PLCXD1: variants seen among roughly 807,000 people sequenced by gnomAD.
PLCXD1 encodes the protein PI-PLC X domain-containing protein 1.
PLCXD1 carries 45 observed loss-of-function variants against 37.8 expected under a neutral mutation model. The observed-to-expected ratio is 1.19, with a 90% CI of 0.94 to 1.53. The LOEUF (loss-of-function observed/expected upper bound fraction) is 1.53, where lower values mean the gene tolerates loss of function less well. Ranked by LOEUF, PLCXD1 falls within the 40% of genes most tolerant of loss-of-function variation. The probability of loss-of-function intolerance (pLI) is 0.00; values close to 1 mark genes in which losing one functional copy is unlikely to be tolerated. For synonymous variants in PLCXD1, 246 were observed against 206.9 expected, an observed-to-expected ratio of 1.19 and a Z score of -1.62; for missense variants, 539 against 454.7, an observed-to-expected ratio of 1.19 and a Z score of -1.69.
intron 2 of PLCXD1, among the ~76,000 whole-genome samples, chrX:287,987 T>C (rs1481751822): frequency 1.3e-5 from 2 of 152,208 alleles, no homozygotes; most frequent in East Asian, 1.9e-4. Context: ...CTCCTGAGGC[T>C]CTAGGGGAGG....
At chrX:283,510 C>G (rs2069340980) in intron 1 of PLCXD1, 1 of 134,400 alleles carries the variant, frequency 7.4e-6, no homozygotes, top group African/African-American at 2.9e-5. Flanking sequence ...TGATGTTCCA[C>G]ACGCCTGAGG....
At chrX:288,519 A>C (rs913929254) in intron 2 of PLCXD1, among the ~76,000 whole-genome samples, 47 of 152,034 alleles carry the variant, frequency 3.1e-4, no homozygotes, top group Admixed American at 9.8e-4. Flanking sequence ...TTTCAACCTA[A>C]TGATATCTGC....
chrX:278,956 C>T (rs145608552), upstream of PLCXD1, among the ~76,000 whole-genome samples: 222 of 152,136 alleles, frequency 1.5e-3, 2 homozygotes, highest in African/African-American at 4.8e-3. Flanking sequence ...TTTGTGTGAG[C>T]GATAAAGCGG....
intron 2 of PLCXD1, among the ~76,000 whole-genome samples, chrX:286,811 G>GT (rs1270664260): frequency 2.0e-5 from 3 of 152,096 alleles, no homozygotes; most frequent in Admixed American, 2.0e-4. Context: ...TCTTACTTCT[G>GT]TTTCTTTCCA....
chrX:296,635 C>T lies in PLCXD1; in HGVS notation c.734-2462C>T, dbSNP rs144917416. ...TGCATTTCTAACTATTGCAGGGACC[C>T]CACTTTGAGAATCACTGGTCAACGT... On this transcript the variant is annotated intron_variant, in intron 6 of 6. Coordinates refer to ENST00000381657, the MANE Select transcript of PLCXD1 (RefSeq NM_018390.4). 6.8e-3 allele frequency among the ~76,000 whole-genome samples: 1,031 copies of T among 152,316 alleles called. 15 individuals carry two copies. Among genetic ancestry groups the T allele is most frequent in the African/African-American group, 0.023 (963 of 41,564 alleles).
chrX:290,504 C>T (rs958184881), intron 3 of PLCXD1, 144 bp from the exon 4 acceptor site: 21 of 816,274 alleles, frequency 2.6e-5, no homozygotes, highest in East Asian at 1.1e-4. Flanking sequence ...GCAGCGCTCC[C>T]AGCACATACA....
chrX:284,719 G>A (rs928353824), intron 2 of PLCXD1, among the ~76,000 whole-genome samples: 5 of 152,022 alleles, frequency 3.3e-5, no homozygotes, highest in African/African-American at 7.2e-5. Flanking sequence ...CTGTTCTCAC[G>A]CTGCTAACAA....
chrX:294,626 A>T (rs1461724804), intron 6 of PLCXD1, among the ~76,000 whole-genome samples: 1 of 151,220 alleles, frequency 6.6e-6, no homozygotes, highest in Non-Finnish European at 1.5e-5. Context: ...GCAAGACTCC[A>T]TCTCAAAACA....
intron 3 of PLCXD1, 120 bp from the exon 4 acceptor site, chrX:290,528 A>G: frequency 1.9e-6 from 2 of 1,058,446 alleles, no homozygotes; most frequent in African/African-American, 1.6e-5. Context: ...AGCTGTTGTT[A>G]CGACATCCAC....
In PLCXD1 at chrX:284,171, C is replaced by T. The variant is rs770080962; in HGVS notation, c.-17C>T. The stretch of plus-strand genomic sequence containing the variant: ...TTTCCTCTTCTCCTTCCTCAGGTTG[C>T]CCAGGGCTCACCTCTGATGGGTGGG... On this transcript the variant is annotated 5_prime_UTR_variant, in exon 2 of 7. Transcript: ENST00000381657. 7 of 1,612,360 alleles carry T rather than the reference C, an allele frequency of 4.3e-6. No homozygotes were observed. The African/African-American group carries it at 6.7e-5, about 15-fold the overall frequency.
chrX:290,826 G>T (rs916797837), intron 4 of PLCXD1, 50 bp downstream of exon 4: 1 of 1,567,748 alleles, frequency 6.4e-7, no homozygotes, highest in African/African-American at 1.4e-5. Flanking sequence ...GAGGCGGCCG[G>T]GCACTGGTGC....
At chrX:285,949 G>A (rs770123636) in intron 2 of PLCXD1, among the ~76,000 whole-genome samples, 29 of 152,240 alleles carry the variant, frequency 1.9e-4, no homozygotes, top group Non-Finnish European at 3.1e-4. Flanking sequence ...AGGGGGTGAT[G>A]ATGAAAGCTG....
chrX:281,812 G>A (rs1056241997), intron 1 of PLCXD1, 128 bp downstream of exon 1: 8 of 152,214 alleles, frequency 5.3e-5, no homozygotes, highest in African/African-American at 1.7e-4. Context: ...AGGCTGGAGT[G>A]CAATGGTGTG....
intron 5 of PLCXD1, among the ~76,000 whole-genome samples, chrX:292,824 G>T (rs2069678560): frequency 6.7e-6 from 1 of 149,844 alleles, no homozygotes; most frequent in Non-Finnish European, 1.5e-5. Context: ...TGTTGCCCGG[G>T]CTGGTCTCAA....
chrX:281,301 C>A, upstream of PLCXD1: 1 of 167,484 alleles, frequency 6.0e-6, no homozygotes, highest in Non-Finnish European at 1.3e-5. Context: ...TGACATCCCC[C>A]GGGCTGATAA....
intron 5 of PLCXD1, 30 bp from the exon 6 acceptor site, chrX:293,005 C>T (rs762727251): frequency 1.8e-5 from 28 of 1,558,572 alleles, no homozygotes; most frequent in East Asian, 9.1e-5. Flanking sequence ...TCCTCTCTCC[C>T]CTGCACCCCT....
intron 6 of PLCXD1, among the ~76,000 whole-genome samples, chrX:295,806 C>T (rs888675795): frequency 7.9e-5 from 12 of 151,670 alleles, no homozygotes; most frequent in Admixed American, 1.3e-4. Flanking sequence ...GGATGACAGG[C>T]GTGAGCCACG....
chrX:288,962 G>T (rs1467218938), intron 3 of PLCXD1, 93 bp downstream of exon 3: 6 of 1,266,936 alleles, frequency 4.7e-6, no homozygotes, highest in Non-Finnish European at 6.9e-6. Flanking sequence ...CCCAGGTAGG[G>T]TTTGAGTGGT....
intron 2 of PLCXD1, among the ~76,000 whole-genome samples, chrX:287,938 C>G (rs1183018036): frequency 6.6e-6 from 1 of 151,982 alleles, no homozygotes; most frequent in Non-Finnish European, 1.5e-5. Context: ...GTTCTAGATA[C>G]AGAAATCTGA....
Sources: gnomAD v4.1 joint callset for allele counts (sites outside exome capture counted in the v4.1 genomes callset) on GRCh38, gnomAD v4.1.1 for gene constraint, MANE v1.5 for transcripts, NCBI Gene and HGNC (gene_info 2026-07-23, HGNC 2026-07-21) for gene names.